The following C6 variants were observed in gnomAD, a reference collection of about 807,000 sequenced individuals.
The protein encoded by C6 is complement C6, also known as complement component C6.
C6 carries 101 observed loss-of-function variants against 112.9 expected under a neutral mutation model. The ratio of observed to expected loss-of-function variants is 0.89; its 90% CI spans 0.76 to 1.06. C6 has a LOEUF of 1.06. C6 is among the 50% of genes least tolerant of loss of function. The pLI is 0.00. For missense variants in C6, 1,202 were observed against 1,104.6 expected (o/e 1.09, Z -1.25); for synonymous variants, 431 against 384.1 (o/e 1.12, Z -1.43).
intron 1 of C6, among the ~76,000 whole-genome samples, chr5:41,234,937 T>C (rs1379853824): frequency 6.6e-6 from 1 of 152,164 alleles, no homozygotes; most frequent in Admixed American, 6.5e-5. Flanking sequence ...TAGTTTGAGA[T>C]GATTTGGAAT....
intron 1 of C6, among the ~76,000 whole-genome samples, chr5:41,246,264 C>T (rs1167645029): frequency 6.6e-6 from 1 of 152,126 alleles, no homozygotes; most frequent in Non-Finnish European, 1.5e-5. Context: ...ATCTCTGTTT[C>T]TAGGCCATTG....
intron 13 of C6, among the ~76,000 whole-genome samples, chr5:41,157,517 G>A (rs765420221): frequency 7.9e-5 from 12 of 152,138 alleles, no homozygotes; most frequent in African/African-American, 1.4e-4. Flanking sequence ...AGCCATAGAC[G>A]ATATGTAAAC....
At chr5:41,171,476 G>A (rs1748418308) in intron 9 of C6, among the ~76,000 whole-genome samples, 1 of 152,176 alleles carries the variant, frequency 6.6e-6, no homozygotes, top group Non-Finnish European at 1.5e-5. Context: ...GCAGCAGGGA[G>A]AGAATATGTG....
chr5:41,178,602 A>T (rs1251080658), intron 7 of C6, among the ~76,000 whole-genome samples: 1 of 148,740 alleles, frequency 6.7e-6, no homozygotes, highest in Non-Finnish European at 1.5e-5. Flanking sequence ...CAGCCTCCCG[A>T]GTAGCTGGGA....
intron 17 of C6, among the ~76,000 whole-genome samples, chr5:41,144,168 T>G (rs1323389279): frequency 6.6e-6 from 1 of 152,244 alleles, no homozygotes; most frequent in Non-Finnish European, 1.5e-5. Context: ...CAGACTGATG[T>G]GCTCTTTCCT....
chr5:41,223,820 C>A (rs1040374967), intron 1 of C6, among the ~76,000 whole-genome samples: 14 of 144,500 alleles, frequency 9.7e-5, no homozygotes, highest in African/African-American at 2.9e-4. Context: ...CAATAATATT[C>A]TTTATTTTCC....
chr5:41,155,354 A>T (rs1746796982), intron 13 of C6, among the ~76,000 whole-genome samples: 3 of 151,946 alleles, frequency 2.0e-5, no homozygotes, highest in Admixed American at 2.0e-4. Context: ...CATCTCCCTA[A>T]ATTGGTTAGG....
chr5:41,256,979 A>G (rs1029737520), intron 1 of C6, among the ~76,000 whole-genome samples: 72 of 152,294 alleles, frequency 4.7e-4, no homozygotes, highest in Middle Eastern at 3.4e-3. Context: ...CTTTGTTTAC[A>G]CTAAAAATAC....
chr5:41,207,297 T>G (rs9654390), intron 1 of C6, among the ~76,000 whole-genome samples: 23,400 of 152,128 alleles, frequency 0.15, 1,873 homozygotes, highest in Admixed American at 0.23. Context: ...AGACCATCAA[T>G]GCTAGGAAGA....
At chr5:41,221,751 A>G (rs1271958755) in intron 1 of C6, among the ~76,000 whole-genome samples, 1 of 152,210 alleles carries the variant, frequency 6.6e-6, no homozygotes, top group East Asian at 1.9e-4. Context: ...AAGTCTATAA[A>G]AGTTATTCAA....
intron 1 of C6, among the ~76,000 whole-genome samples, chr5:41,249,234 G>A (rs997157448): frequency 2.1e-4 from 32 of 151,924 alleles, no homozygotes; most frequent in Non-Finnish European, 3.7e-4. Flanking sequence ...GGGGATCAAT[G>A]GTACCCCTTA....
rs535666278 is a variant in C6 at position 41,225,767 on chromosome 5, G to A, written c.-20-22517C>T. 1.3e-4 allele frequency among the ~76,000 whole-genome samples: 19 copies of A among 149,226 alleles called. No individual in the cohort carries two copies. In the South Asian group the frequency reaches 3.8e-3, roughly 30 times the overall value. On this transcript the variant is annotated intron_variant, in intron 1 of 17. Transcript: ENST00000263413. Reference sequence around the variant, plus strand: ...ACCAAAACAGAGATATAGACCAATGGAACAGAACAGAGCCCTCAGAAATAA... The same window carrying A: ...ACCAAAACAGAGATATAGACCAATGAAACAGAACAGAGCCCTCAGAAATAA...
intron 7 of C6, among the ~76,000 whole-genome samples, chr5:41,176,957 G>A (rs981864943): frequency 2.0e-5 from 3 of 152,182 alleles, no homozygotes; most frequent in Admixed American, 6.6e-5. Context: ...ATGGGGGCAC[G>A]TGTTCTCTAA....
intron 17 of C6, among the ~76,000 whole-genome samples, chr5:41,148,734 T>C (rs1746086222): frequency 6.6e-6 from 1 of 152,220 alleles, no homozygotes; most frequent in Non-Finnish European, 1.5e-5. Context: ...TGTGGGATGC[T>C]GTCTGGGCTC....
chr5:41,159,036 AGAGTTAGGGCAAAAT>A, intron 12 of C6, 31 bp downstream of exon 12: 1 of 1,597,362 alleles, frequency 6.3e-7, no homozygotes, highest in Non-Finnish European at 8.6e-7. Flanking sequence ...AATGTTATTG[AGAGTTAGGGCAAAAT>A]GACCCATTCT....
rs1416780179 is a variant in C6 at position 41,142,302 on chromosome 5, G to A, written c.*523C>T. On this transcript the variant is annotated 3_prime_UTR_variant, in exon 18 of 18. Transcript: ENST00000337836. ...CCTGAATGAATGTATGCTTCATGAA[G>A]GCAAAGGCTTTTGTCTGTTTTATTA... The A allele has an allele frequency of 1.9e-5, 3 of 158,678 alleles. No homozygotes were observed. Among genetic ancestry groups the A allele is most frequent in the African/African-American group, 4.8e-5 (2 of 41,450 alleles). 9.8% of individuals were successfully genotyped at this position (158,678 alleles called of 1,614,324 possible).
chr5:41,217,004 T>C (rs1580214394), upstream of C6, among the ~76,000 whole-genome samples: 1 of 152,108 alleles, frequency 6.6e-6, no homozygotes, highest in Admixed American at 6.6e-5. Context: ...TAGTCCACCA[T>C]CTAGCCAAAT....
At chr5:41,247,935 A>G (rs1307808234) in intron 1 of C6, among the ~76,000 whole-genome samples, 5 of 152,194 alleles carry the variant, frequency 3.3e-5, no homozygotes, top group Non-Finnish European at 7.3e-5. Flanking sequence ...AGATTATACT[A>G]TAAACCTATA....
intron 1 of C6, among the ~76,000 whole-genome samples, chr5:41,259,172 T>G (rs936515880): frequency 4.6e-5 from 7 of 152,330 alleles, no homozygotes; most frequent in African/African-American, 1.7e-4. Flanking sequence ...CTTGCTCTAA[T>G]GTACTTGAAA....
Sources: gnomAD v4.1 joint callset for allele counts (sites outside exome capture counted in the v4.1 genomes callset) on GRCh38, gnomAD v4.1.1 for gene constraint, MANE v1.5 for transcripts, NCBI Gene and HGNC (gene_info 2026-07-23, HGNC 2026-07-21) for gene names.